Variants in PCM1 observed in about 807,000 individuals in gnomAD.
The protein encoded by PCM1 is pericentriolar material 1 protein.
In PCM1, 157 loss-of-function variants were observed where a neutral mutation model predicts 241.9. The ratio of observed to expected loss-of-function variants is 0.65; its 90% CI spans 0.57 to 0.74. The LOEUF is 0.74. Ranked by LOEUF, PCM1 falls within the 30% of genes least tolerant of loss-of-function variation. The pLI, the probability that PCM1 is intolerant of heterozygous loss-of-function variation, is 0.00. For missense variants in PCM1, 3,478 were observed against 2,360.1 expected, an observed-to-expected ratio of 1.47 and a Z score of -9.81; for synonymous variants, 1,085 against 784.9, an observed-to-expected ratio of 1.38 and a Z score of -6.39.
At chr8:18,008,765 A>G (rs1417775157) in intron 30 of PCM1, among the ~76,000 whole-genome samples, 1 of 152,158 alleles carries the variant, frequency 6.6e-6, no homozygotes, top group Non-Finnish European at 1.5e-5. Context: ...GTTAATCTGT[A>G]ACAAACATCA....
At chr8:17,964,921 CAAGTT>C (rs1332203768) in intron 18 of PCM1, among the ~76,000 whole-genome samples, 153 bp downstream of exon 18, 1 of 152,114 alleles carries the variant, frequency 6.6e-6, no homozygotes, top group Non-Finnish European at 1.5e-5. Context: ...GCAGACCCCT[CAAGTT>C]AAGGGGCTCA....
chr8:17,937,061 CTT>C, intron 3 of PCM1, 71 bp from the exon 4 acceptor site: 2 of 1,224,118 alleles, frequency 1.6e-6, no homozygotes, highest in Non-Finnish European at 2.2e-6. Flanking sequence ...CTGACCAAAA[CTT>C]TTTAATTATA....
At chr8:17,928,993 C>G (rs2058098166) in intron 2 of PCM1, among the ~76,000 whole-genome samples, 1 of 152,108 alleles carries the variant, frequency 6.6e-6, no homozygotes, top group African/African-American at 2.4e-5. Context: ...TTTAATAAAA[C>G]TTTCCTTATG....
Position 17,963,408 on chromosome 8 carries a change from GCTA to G in PCM1, c.2654+120_2654+122del. The G allele has an allele frequency of 4.5e-6, 3 of 670,474 alleles. No individual in the cohort carries two copies. In the South Asian group the frequency reaches 7.0e-5, roughly 16 times the overall value. 41.5% of individuals were successfully genotyped at this position (670,474 alleles called of 1,614,324 possible). ...AGCACAAATCTGCTATTTCAGTGAG[GCTA>G]CTGTTTAACTACCACCTTTGTGACC... On this transcript the variant is annotated intron_variant, in intron 17 of 38. Transcript: ENST00000325083.
chr8:17,934,472 G>A (rs901411901), intron 2 of PCM1, among the ~76,000 whole-genome samples: 3 of 151,986 alleles, frequency 2.0e-5, no homozygotes, highest in Non-Finnish European at 4.4e-5. Context: ...TGTTGGCCAG[G>A]CTGGTCTTGA....
In PCM1 at chr8:17,940,093, T is replaced by C. The variant is rs754218860; in HGVS notation, c.783+232T>C. On this transcript the variant is annotated intron_variant, in intron 6 of 38. Coordinates refer to ENST00000325083, the MANE Select transcript of PCM1 (RefSeq NM_006197.4). ...TCGGACTATAGATTCAGCTGTGGGA[T>C]CTGGTTCTGTAGCTGAGAGCACATC... is the stretch of plus-strand genomic sequence containing the variant. 17 of 1,581,002 alleles carry C rather than the reference T, an allele frequency of 1.1e-5. No homozygotes were observed. The East Asian group carries it at 3.4e-4, about 31-fold the overall frequency.
chr8:17,989,508 C>A (rs937193580), intron 26 of PCM1, among the ~76,000 whole-genome samples: 4 of 152,094 alleles, frequency 2.6e-5, no homozygotes, highest in East Asian at 1.9e-4. Flanking sequence ...GTAGAGTAAG[C>A]TACTAGACAT....
At chr8:18,018,899 C>CATAT (rs71545509) in intron 36 of PCM1, among the ~76,000 whole-genome samples, 15 of 113,260 alleles carry the variant, frequency 1.3e-4, no homozygotes, top group Admixed American at 5.5e-4. Context: ...TATACATACA[C>CATAT]ATATATATAT....
intron 23 of PCM1, among the ~76,000 whole-genome samples, chr8:17,973,130 CA>C (rs1042342920): frequency 1.3e-5 from 2 of 152,116 alleles, no homozygotes; most frequent in Admixed American, 6.6e-5. Flanking sequence ...AGTTTTAAAA[CA>C]GGCTGGCTTA....
intron 26 of PCM1, among the ~76,000 whole-genome samples, chr8:17,989,504 T>C (rs59741552): frequency 0.079 from 11,944 of 152,056 alleles, 669 homozygotes; most frequent in African/African-American, 0.15. Flanking sequence ...CCAGGTAGAG[T>C]AAGCTACTAG....
chr8:17,947,421 G>T, intron 7 of PCM1, 58 bp downstream of exon 7: 8 of 1,218,490 alleles, frequency 6.6e-6, no homozygotes, highest in Non-Finnish European at 8.1e-6. Context: ...TAATTGTATT[G>T]CAGGGTGGAT....
Position 17,966,984 on chromosome 8 carries a change from A to G in PCM1, c.3226A>G (p.Lys1076Glu), listed in dbSNP as rs933064989. ...TACTGACTTAAATCTTTGTAGGTTG[A>G]AACAAATGCTAAATGAACTTATGCG... ...TWQQNNVQRL[K>E]QMLNELMRQQ... The change falls in exon 21 of 39, where the codon AAA becomes GAA. Residue 1076 changes from lysine to glutamate, a missense_variant. Physicochemically the swap from Lys to Glu is moderately conservative, Grantham distance 56 (BLOSUM62 1). Transcript: ENST00000325083. The G allele has an allele frequency of 6.2e-6, 10 of 1,600,580 alleles. No homozygotes were observed. Among genetic ancestry groups the G allele is most frequent in the Middle Eastern group, 3.3e-4 (2 of 6,066 alleles).
intron 2 of PCM1, chr8:17,927,679 T>C (rs2057511454): frequency 2.6e-5 from 4 of 152,080 alleles, no homozygotes; most frequent in Admixed American, 2.0e-4. Context: ...GCCTCCCTAG[T>C]AGCTGGGATT....
At chr8:18,001,621 A>G (rs1232775201) in intron 29 of PCM1, among the ~76,000 whole-genome samples, 5 of 152,242 alleles carry the variant, frequency 3.3e-5, no homozygotes, top group African/African-American at 1.2e-4. Context: ...ATTAGAAGTG[A>G]AAAGTAATTG....
chr8:17,999,614 TG>T (rs1313616726), intron 29 of PCM1, among the ~76,000 whole-genome samples: 2 of 152,122 alleles, frequency 1.3e-5, no homozygotes, highest in Non-Finnish European at 2.9e-5. Context: ...CAGTCAGTGC[TG>T]CCTGGGGTTG....
intron 28 of PCM1, 62 bp downstream of exon 28, chr8:17,991,762 G>C (rs562321465): frequency 2.6e-5 from 32 of 1,209,856 alleles, no homozygotes; most frequent in Admixed American, 4.4e-5. Flanking sequence ...ACATGAATAA[G>C]TTCTTTAGTG....
At chr8:17,929,404 G>A (rs939575403) in intron 2 of PCM1, among the ~76,000 whole-genome samples, 1 of 152,030 alleles carries the variant, frequency 6.6e-6, no homozygotes, top group African/African-American at 2.4e-5. Flanking sequence ...TGAGTCCTCT[G>A]TCCCACTTTT....
At chr8:18,012,891 T>C (rs1168303127) in intron 34 of PCM1, among the ~76,000 whole-genome samples, 1 of 152,216 alleles carries the variant, frequency 6.6e-6, no homozygotes, top group Non-Finnish European at 1.5e-5. Flanking sequence ...CTGAACACTT[T>C]CTTTTTTTCT....
Position 17,960,141 on chromosome 8 carries a change from A to T in PCM1, c.2168A>T (p.Asp723Val), listed in dbSNP as rs150814716. 192 of 1,582,020 alleles carry T rather than the reference A, an allele frequency of 1.2e-4. No homozygotes were observed. In the African/African-American group the frequency reaches 1.4e-3, roughly 12 times the overall value. The stretch of plus-strand genomic sequence containing the variant: ...GGAAATGCCAATAAAACACAGAAAG[A>T]TACTGGAGTAAATGAAAAGGCAAGG... ...TRGNANKTQK[D>V]TGVNEKAREK... is the part of the protein sequence containing the mutation. The change falls in exon 14 of 39, where the codon GAT (aspartate) becomes GTT (valine). Residue 723 changes from aspartate to valine, a missense_variant. Physicochemically the swap from Asp to Val is radical, Grantham distance 152. Transcript: ENST00000325083.
Sources: allele counts gnomAD v4.1 joint callset (sites outside exome capture counted in the v4.1 genomes callset), GRCh38; gene constraint gnomAD v4.1.1; transcripts MANE v1.5; gene names NCBI Gene and HGNC (gene_info 2026-07-23, HGNC 2026-07-21).